DNAL1: variants seen among roughly 807,000 people sequenced by gnomAD.
The protein encoded by DNAL1 is chromosome 14 open reading frame 168.
DNAL1 carries 17 observed loss-of-function variants against 29.4 expected under a neutral mutation model. The ratio of observed to expected loss-of-function variants is 0.58; its 90% CI spans 0.40 to 0.87. The LOEUF is 0.87. Among genes scored for constraint, DNAL1 ranks in the 40% least tolerant of loss-of-function variants. The pLI, the probability that DNAL1 is intolerant of heterozygous loss-of-function variation, is 0.00. For missense variants in DNAL1, 188 were observed against 214.1 expected (o/e 0.88, Z 0.76); for synonymous variants, 78 against 76.3 (o/e 1.02, Z -0.12).
At chr14:73,690,037 C>CAA (rs569314573) in intron 7 of DNAL1, among the ~76,000 whole-genome samples, 2 of 33,288 alleles carry the variant, frequency 6.0e-5, no homozygotes, top group African/African-American at 1.1e-4. Flanking sequence ...AATTCCGTCT[C>CAA]AAAAAAAAAA....
At chr14:73,677,589 C>T (rs1310290363) in intron 5 of DNAL1, among the ~76,000 whole-genome samples, 8 of 150,196 alleles carry the variant, frequency 5.3e-5, no homozygotes, top group Non-Finnish European at 7.4e-5. Flanking sequence ...CGGAGTCTGG[C>T]TCTGTCGCCC....
chr14:73,670,498 GT>G (rs1360296574), intron 4 of DNAL1, among the ~76,000 whole-genome samples: 1 of 152,038 alleles, frequency 6.6e-6, no homozygotes, highest in Non-Finnish European at 1.5e-5. Flanking sequence ...TTTCCTGGGT[GT>G]TTCAAAAAGA....
intron 3 of DNAL1, among the ~76,000 whole-genome samples, 158 bp downstream of exon 3, chr14:73,659,114 A>G (rs1270220647): frequency 6.6e-6 from 1 of 151,414 alleles, no homozygotes; most frequent in Admixed American, 6.6e-5. Context: ...ATGAAAAATG[A>G]CTGGTTTATA....
rs761052487 is a variant in DNAL1, at chr14:73,695,882, A to C, written c.533-20A>C. 4 of 1,552,088 alleles carry C rather than the reference A, an allele frequency of 2.6e-6. No individual in the cohort carries two copies. The highest frequency in any genetic ancestry group is 3.5e-6 in the Non-Finnish European group (4 of 1,147,522). On this transcript the variant is annotated intron_variant, in intron 7 of 7. Transcript: ENST00000553645. ...CAATTTTTTGAGAATAACCAGTAATAATTTTCTTTTTCATTTTAGGTACTC... is the reference window on the plus strand; with the variant it reads ...CAATTTTTTGAGAATAACCAGTAATCATTTTCTTTTTCATTTTAGGTACTC...
intron 5 of DNAL1, among the ~76,000 whole-genome samples, chr14:73,681,605 CAAAAAAAAAAA>C (rs71112792): frequency 7.0e-4 from 37 of 52,832 alleles, no homozygotes; most frequent in Admixed American, 1.4e-3. Flanking sequence ...CCATCTCTAC[CAAAAAAAAAAA>C]AAAAAAAAAA....
At chr14:73,651,362 G>C (rs1253637026) in intron 1 of DNAL1, 1 of 151,874 alleles carries the variant, frequency 6.6e-6, no homozygotes, top group African/African-American at 2.4e-5. Context: ...ATGGCATCAA[G>C]GTTATACTAG....
At chr14:73,659,065 T>G (rs1891279246) in intron 3 of DNAL1, 109 bp downstream of exon 3, 1 of 811,784 alleles carries the variant, frequency 1.2e-6, no homozygotes, top group African/African-American at 1.7e-5. Context: ...ATTTATTTTT[T>G]GTTTGCTTAG....
intron 2 of DNAL1, among the ~76,000 whole-genome samples, chr14:73,657,375 C>A (rs904456134): frequency 6.6e-6 from 1 of 152,100 alleles, no homozygotes; most frequent in African/African-American, 2.4e-5. Flanking sequence ...GAAATGAGGT[C>A]TTGCTATGTT....
chr14:73,696,069 A>G lies in DNAL1; in HGVS notation c.*127A>G. On this transcript the variant is annotated 3_prime_UTR_variant, in exon 8 of 8. Coordinates refer to ENST00000553645, the MANE Select transcript of DNAL1 (RefSeq NM_031427.4). ...TTTCTTAAGATAAAACAGATCACTC[A>G]TTCTCATCTTTTTTTTTCCTTTAAC... is the stretch of plus-strand genomic sequence containing the variant. 2.3e-6 allele frequency: 2 copies of G among 867,148 alleles called. No individual in the cohort carries two copies. The highest frequency in any genetic ancestry group is 3.4e-6 in the Non-Finnish European group (2 of 580,166). 53.7% of individuals were successfully genotyped at this position (867,148 alleles called of 1,614,324 possible).
intron 5 of DNAL1, among the ~76,000 whole-genome samples, chr14:73,684,952 T>C (rs920439810): frequency 1.3e-5 from 2 of 152,164 alleles, no homozygotes; most frequent in Non-Finnish European, 2.9e-5. Flanking sequence ...GCTCTCCCAC[T>C]TCTGTAACCT....
chr14:73,703,532 A>G lies in DNAL1; in HGVS notation c.*7590A>G, dbSNP rs1892485692. 1 of 152,082 alleles carries G rather than the reference A, an allele frequency of 6.6e-6. No individual in the cohort carries two copies. The highest frequency in any genetic ancestry group is 2.4e-5 in the African/African-American group (1 of 41,400). The allele number at this position is 152,082 out of a possible 1,614,324, so 9.4% of individuals were successfully genotyped here. A position where few individuals can be genotyped will look rare whatever the true frequency, so the allele number is the denominator to read the frequency against. ...CTTTGTAATCTCCCCCACCCTTAAG[A>G]AGGTTCTTTTTAATTCTCCCCACCC... is the stretch of plus-strand genomic sequence containing the variant. On this transcript the variant is annotated 3_prime_UTR_variant, in exon 8 of 8. Coordinates refer to ENST00000553645, the MANE Select transcript of DNAL1 (RefSeq NM_031427.4).
intron 2 of DNAL1, among the ~76,000 whole-genome samples, chr14:73,658,252 A>G (rs1253133042): frequency 3.3e-5 from 5 of 152,042 alleles, no homozygotes; most frequent in East Asian, 1.9e-4. Flanking sequence ...ATTCCATTCT[A>G]TTGGTCTGTG....
At chr14:73,654,154 T>G (rs868709972) in intron 1 of DNAL1, among the ~76,000 whole-genome samples, 2 of 152,202 alleles carry the variant, frequency 1.3e-5, no homozygotes, top group Non-Finnish European at 2.9e-5. Flanking sequence ...TGTTACTGAT[T>G]ATAAGATGTA....
chr14:73,657,326 G>A (rs769466732), intron 2 of DNAL1, among the ~76,000 whole-genome samples: 16 of 152,090 alleles, frequency 1.1e-4, no homozygotes, highest in South Asian at 2.1e-4. Context: ...GACCACAGTC[G>A]TGTGCCACCA....
intron 5 of DNAL1, among the ~76,000 whole-genome samples, chr14:73,683,697 T>TTTA (rs375902045): frequency 0.033 from 4,945 of 150,222 alleles, 309 homozygotes; most frequent in African/African-American, 0.11. Flanking sequence ...TATTTATTTA[T>TTTA]TTATTATTAT....
intron 7 of DNAL1, among the ~76,000 whole-genome samples, chr14:73,691,038 T>C (rs1413221586): frequency 2.0e-5 from 3 of 152,204 alleles, no homozygotes; most frequent in Non-Finnish European, 4.4e-5. Context: ...GCTCCTCCAC[T>C]TAATAGTTTG....
intron 5 of DNAL1, among the ~76,000 whole-genome samples, chr14:73,673,561 G>A (rs569342903): frequency 2.7e-4 from 41 of 152,076 alleles, no homozygotes; most frequent in African/African-American, 9.6e-4. Flanking sequence ...TGTAATGTGG[G>A]GTTTTGTCCA....
At chr14:73,680,724 G>A (rs1196204227) in intron 5 of DNAL1, among the ~76,000 whole-genome samples, 1 of 152,246 alleles carries the variant, frequency 6.6e-6, no homozygotes, top group East Asian at 1.9e-4. Flanking sequence ...TATATTCTGA[G>A]AAATGCAACA....
At chr14:73,692,485 C>A (rs1428307902) in intron 7 of DNAL1, among the ~76,000 whole-genome samples, 1 of 151,812 alleles carries the variant, frequency 6.6e-6, no homozygotes, top group Non-Finnish European at 1.5e-5. Context: ...CATGGAGAAA[C>A]CCCGTCTCTA....
Sources: allele counts gnomAD v4.1 joint callset (sites outside exome capture counted in the v4.1 genomes callset), GRCh38; gene constraint gnomAD v4.1.1; transcripts MANE v1.5; gene names NCBI Gene and HGNC (gene_info 2026-07-23, HGNC 2026-07-21).